DMXL2: variants seen among roughly 807,000 people sequenced by gnomAD.
DMXL2 encodes the protein Dmx like 2, also known as dmX-like protein 2.
Under a neutral mutation model 331.1 loss-of-function variants are expected in DMXL2, and 103 were observed. That is an observed-to-expected ratio of 0.31 (90% CI 0.27 to 0.37). The LOEUF (loss-of-function observed/expected upper bound fraction) is 0.37, where lower values mean the gene tolerates loss of function less well. Ranked by LOEUF, DMXL2 falls within the 10% of genes least tolerant of loss-of-function variation. DMXL2 has a pLI of 1.00. For synonymous variants in DMXL2, 1,281 were observed against 1,252.1 expected, an observed-to-expected ratio of 1.02 and a Z score of -0.49; for missense variants, 3,171 against 3,642.9, an observed-to-expected ratio of 0.87 and a Z score of 3.33.
In DMXL2 at chr15:51,614,999, A is replaced by G. The variant is rs189787025; in HGVS notation, c.87+7460T>C. ...CACCAAGGTGGCAGCAGTAGAGATA[A>G]GAAGTAATCAGATTCTGGACGCATT... On this transcript the variant is annotated intron_variant, in intron 1 of 43. Coordinates refer to ENST00000560891, the MANE Select transcript of DMXL2 (RefSeq NM_001378457.1). Among the ~76,000 whole-genome samples, 44 of 152,372 alleles carry G rather than the reference A, an allele frequency of 2.9e-4. 1 individual carries two copies. The East Asian group carries it at 8.5e-3, about 29-fold the overall frequency.
chr15:51,558,089 C>T (rs2049717746), intron 6 of DMXL2, among the ~76,000 whole-genome samples: 2 of 152,144 alleles, frequency 1.3e-5, no homozygotes, highest in Non-Finnish European at 1.5e-5. Flanking sequence ...CTGAGGTCTT[C>T]TAGGAGCTGG....
At chr15:51,476,103 A>C (rs1183278676) in intron 27 of DMXL2, among the ~76,000 whole-genome samples, 2 of 152,202 alleles carry the variant, frequency 1.3e-5, no homozygotes, top group Non-Finnish European at 2.9e-5. Flanking sequence ...GAGAGTGGAG[A>C]AGTTTTGAAA....
At chr15:51,570,803 A>G (rs1325121137) in intron 2 of DMXL2, among the ~76,000 whole-genome samples, 1 of 152,200 alleles carries the variant, frequency 6.6e-6, no homozygotes, top group Non-Finnish European at 1.5e-5. Flanking sequence ...CATGGAAAGG[A>G]ACAACTGGTA....
At chr15:51,555,190 T>C (rs2049482089) in intron 6 of DMXL2, among the ~76,000 whole-genome samples, 1 of 152,188 alleles carries the variant, frequency 6.6e-6, no homozygotes, top group South Asian at 2.1e-4. Flanking sequence ...CTCCACCTGC[T>C]GGTTTGAACA....
intron 32 of DMXL2, among the ~76,000 whole-genome samples, chr15:51,464,063 C>CATATAT (rs1420662857): frequency 6.6e-6 from 1 of 152,078 alleles, no homozygotes; most frequent in Non-Finnish European, 1.5e-5. Flanking sequence ...ACCTTATTTG[C>CATATAT]ATATATAGAT....
rs141086435 is a variant in DMXL2, at chr15:51,543,723, C to A, written c.931-1216G>T. Among the ~76,000 whole-genome samples the A allele has an allele frequency of 5.9e-3, 896 of 152,122 alleles. 8 individuals carry two copies. Among genetic ancestry groups the A allele is most frequent in the African/African-American group, 0.021 (860 of 41,502 alleles). ...AAGTGGCTCGTAAGTCAGACAATTA[C>A]GTTTTTTCTTTTAAAAACTATCTTA... On this transcript the variant is annotated intron_variant, in intron 8 of 43. Transcript: ENST00000560891.
At chr15:51,552,096 T>C (rs904546875) in intron 6 of DMXL2, among the ~76,000 whole-genome samples, 14 of 152,192 alleles carry the variant, frequency 9.2e-5, no homozygotes, top group African/African-American at 2.9e-4. Context: ...AGGAAAGAGC[T>C]TGGCATATTC....
In DMXL2 at chr15:51,465,622, T is replaced by C; in HGVS notation, c.7550A>G (p.Lys2517Arg). ...SWALLHLTMV[K>R]LALHNVKNFF... ...ATTCTTGACATTGTGAAGTGCTAGT[T>C]TAACCATTGTCAAATGTAGAAGAGC... The change falls in exon 31 of 44, where the codon AAA (lysine) becomes AGA (arginine). Residue 2517 changes from lysine to arginine, a missense_variant. By Grantham distance (26) the Lys-to-Arg change is conservative (BLOSUM62 2). Transcript: ENST00000560891. The C allele has an allele frequency of 6.2e-7, 1 of 1,606,282 alleles. No homozygotes were observed. The highest frequency in any genetic ancestry group is 8.5e-7 in the Non-Finnish European group (1 of 1,177,506).
At chr15:51,612,310 T>C (rs79356687) in intron 1 of DMXL2, among the ~76,000 whole-genome samples, 7,849 of 152,262 alleles carry the variant, frequency 0.052, 577 homozygotes, top group African/African-American at 0.17. Flanking sequence ...ATGGCTATAG[T>C]TCAATTATTC....
chr15:51,452,205 C>A (rs781671950), intron 41 of DMXL2, among the ~76,000 whole-genome samples: 12 of 148,712 alleles, frequency 8.1e-5, no homozygotes, highest in Admixed American at 1.3e-4. Flanking sequence ...AAGATAACAT[C>A]AAAAAAAACT....
chr15:51,449,252 G>C, intron 43 of DMXL2, 59 bp from the exon 44 acceptor site: 1 of 1,559,744 alleles, frequency 6.4e-7, no homozygotes, highest in Non-Finnish European at 8.8e-7. Flanking sequence ...GCAAAAACAT[G>C]GCCCTTCTGC....
intron 2 of DMXL2, among the ~76,000 whole-genome samples, chr15:51,573,021 G>T (rs1186338149): frequency 6.6e-6 from 1 of 152,182 alleles, no homozygotes; most frequent in Non-Finnish European, 1.5e-5. Flanking sequence ...TGACATGATT[G>T]TATATTTAGA....
chr15:51,536,284 T>C lies in DMXL2; in HGVS notation c.2196A>G (p.Pro732=), dbSNP rs146557077. The C allele has an allele frequency of 1.9e-5, 30 of 1,613,934 alleles. No individual in the cohort carries two copies. The highest frequency in any genetic ancestry group is 2.3e-5 in the Non-Finnish European group (27 of 1,179,940). The stretch of plus-strand genomic sequence containing the variant: ...CTCCAGTGTATGACAAAGGTCCTAT[T>C]GGGTCTACACGCCACAGAATAAGTT... The part of the protein sequence containing the change: ...YSELILWRVD[P]IGPLSYTGGV... The change falls in exon 12 of 44, where the codon CCA becomes CCG. Residue 732 remains proline (P), a synonymous_variant. Transcript: ENST00000560891.
intron 29 of DMXL2, 137 bp downstream of exon 29, chr15:51,471,086 G>T: frequency 1.3e-6 from 1 of 748,016 alleles, no homozygotes; most frequent in Non-Finnish European, 2.0e-6. Context: ...TCAGTTTCTG[G>T]ACTTAATAAA....
chr15:51,493,288 A>AT, intron 19 of DMXL2, among the ~76,000 whole-genome samples: 1 of 152,196 alleles, frequency 6.6e-6, no homozygotes, highest in Non-Finnish European at 1.5e-5. Context: ...TAAAATATAT[A>AT]ATATAAAATG....
At chr15:51,560,021 T>C (rs1259955954) in intron 6 of DMXL2, among the ~76,000 whole-genome samples, 1 of 152,182 alleles carries the variant, frequency 6.6e-6, no homozygotes, top group Non-Finnish European at 1.5e-5. Flanking sequence ...TTAATACATG[T>C]CAGAAATGGT....
Position 51,498,972 on chromosome 15 carries a change from G to C in DMXL2, c.4252C>G (p.Arg1418Gly). 6.2e-7 allele frequency: 1 copy of C among 1,613,954 alleles called. No homozygotes were observed. Among genetic ancestry groups the C allele is most frequent in the Non-Finnish European group, 8.5e-7 (1 of 1,180,004 alleles). Reference protein sequence around the residue: ...ETVTVGKDGTRDYTEIDSIPP... With the variant: ...ETVTVGKDGTGDYTEIDSIPP... ...ATAGAATCTATCTCAGTATAATCTC[G>C]AGTACCATCTTTTCCTACGGTGACT... Residue 1418 changes from arginine to glycine, a missense_variant, in exon 18 of 44, where the codon CGA becomes GGA. Coordinates refer to ENST00000560891, the MANE Select transcript of DMXL2 (RefSeq NM_001378457.1).
intron 6 of DMXL2, among the ~76,000 whole-genome samples, chr15:51,561,620 C>T (rs11070856): frequency 0.48 from 73,056 of 151,904 alleles, 17,879 homozygotes; most frequent in Non-Finnish European, 0.52. Context: ...GAAAACAGTA[C>T]GGAGTTTTCT....
chr15:51,523,259 C>G (rs1425277500), intron 13 of DMXL2, among the ~76,000 whole-genome samples: 1 of 152,130 alleles, frequency 6.6e-6, no homozygotes, highest in Non-Finnish European at 1.5e-5. Context: ...GTAGTCATGT[C>G]ATCTTAAGAG....
Sources: allele counts gnomAD v4.1 joint callset (sites outside exome capture counted in the v4.1 genomes callset), GRCh38; gene constraint gnomAD v4.1.1; transcripts MANE v1.5; gene names NCBI Gene and HGNC (gene_info 2026-07-23, HGNC 2026-07-21).